Variants in PAX3 observed in about 807,000 individuals in gnomAD.
The protein encoded by PAX3 is paired box protein Pax-3.
Under a neutral mutation model 51.6 loss-of-function variants are expected in PAX3, and 14 were observed. The observed-to-expected ratio is 0.27, with a 90% CI of 0.18 to 0.42. The LOEUF (loss-of-function observed/expected upper bound fraction) is 0.42. PAX3 is among the 10% of genes least tolerant of loss of function. The pLI is 1.00. For synonymous variants in PAX3, 280 were observed against 253.4 expected (o/e 1.11, Z -1.00); for missense variants, 540 against 642.8 (o/e 0.84, Z 1.73).
chr2:222,252,129 T>A (rs148556940), intron 4 of PAX3, among the ~76,000 whole-genome samples: 4 of 152,334 alleles, frequency 2.6e-5, no homozygotes, highest in African/African-American at 7.2e-5. Flanking sequence ...AATTTTAGTG[T>A]TGATAAAGTC....
rs527901361 is a variant in PAX3, at chr2:222,254,546, A to T, written c.587-22263T>A. ...AGGCATCTGGCAGACCCATCTCTGG[A>T]TCTGCCCTAAACTGATGTCTCCATC... On this transcript the variant is annotated intron_variant, in intron 4 of 8. Coordinates refer to ENST00000392070, the MANE Select transcript of PAX3 (RefSeq NM_181458.4). Among the ~76,000 whole-genome samples, 32 of 152,296 alleles carry T rather than the reference A, an allele frequency of 2.1e-4. 1 individual carries two copies. The South Asian group carries it at 4.6e-3, about 22-fold the overall frequency.
intron 4 of PAX3, among the ~76,000 whole-genome samples, chr2:222,245,757 G>A (rs771494250): frequency 1.1e-4 from 16 of 150,512 alleles, no homozygotes; most frequent in Non-Finnish European, 2.1e-4. Context: ...ATCACCTGAG[G>A]TCAGGAGTTT....
chr2:222,272,434 G>A (rs535146496), intron 4 of PAX3, among the ~76,000 whole-genome samples: 9 of 152,184 alleles, frequency 5.9e-5, no homozygotes, highest in Non-Finnish European at 1.0e-4. Context: ...TTGTTATGAA[G>A]TAATAAGAAT....
chr2:222,232,465 A>C (rs1174628028), intron 4 of PAX3, among the ~76,000 whole-genome samples, 182 bp from the exon 5 acceptor site: 3 of 152,242 alleles, frequency 2.0e-5, no homozygotes, highest in Non-Finnish European at 4.4e-5. Context: ...CCTGGTCTAC[A>C]GTGCATTCCC....
chr2:222,296,613 C>T (rs912292227), intron 2 of PAX3, among the ~76,000 whole-genome samples: 5 of 152,128 alleles, frequency 3.3e-5, no homozygotes, highest in African/African-American at 9.7e-5. Flanking sequence ...AAGGACGGTG[C>T]CATGGGTGGG....
chr2:222,298,327 C>G, intron 1 of PAX3: 1 of 594,268 alleles, frequency 1.7e-6, no homozygotes, highest in Non-Finnish European at 3.0e-6. Context: ...CCAGCTCCGC[C>G]AGGATTTGCA....
chr2:222,298,538 C>A lies in PAX3; in HGVS notation c.78G>T (p.Pro26=), dbSNP rs370833226. Residue 26 remains proline, a synonymous_variant, in exon 1 of 9, where the codon CCG becomes CCT. Transcript: ENST00000392070. Reference sequence around the variant, plus strand: ...GCTGAGGCCCTCCCTTACCTTCCAGCGGGAACCCGCTACGCGGGTAGTTCT... The same window carrying A: ...GCTGAGGCCCTCCCTTACCTTCCAGAGGGAACCCGCTACGCGGGTAGTTCT... ...PGQNYPRSGF[P]LEVSTPLGQG... is the part of the protein sequence containing the mutation. The A allele has an allele frequency of 1.9e-6, 3 of 1,603,634 alleles. No homozygotes were observed. Among genetic ancestry groups the A allele is most frequent in the East Asian group, 2.3e-5 (1 of 44,276 alleles).
intron 4 of PAX3, among the ~76,000 whole-genome samples, chr2:222,256,048 C>A (rs953367888): frequency 6.7e-6 from 1 of 149,030 alleles, no homozygotes; most frequent in East Asian, 2.0e-4. Context: ...GGATTATAGG[C>A]GTGAGCCACC....
intron 5 of PAX3, among the ~76,000 whole-genome samples, chr2:222,227,127 C>T (rs1692414055): frequency 1.3e-5 from 2 of 152,080 alleles, no homozygotes; most frequent in East Asian, 3.9e-4. Context: ...ACTTGCTCAA[C>T]AAAACACATT....
At chr2:222,252,332 G>C (rs760909590) in intron 4 of PAX3, among the ~76,000 whole-genome samples, 1 of 152,130 alleles carries the variant, frequency 6.6e-6, no homozygotes, top group African/African-American at 2.4e-5. Context: ...TATGCACCAG[G>C]TGCCATGCCA....
At chr2:222,276,288 G>A (rs991461338) in intron 4 of PAX3, among the ~76,000 whole-genome samples, 4 of 152,222 alleles carry the variant, frequency 2.6e-5, no homozygotes, top group African/African-American at 4.8e-5. Flanking sequence ...ATCTCCCTGC[G>A]TGGAAGAAGA....
At chr2:222,278,692 G>T (rs1242646877) in intron 4 of PAX3, among the ~76,000 whole-genome samples, 1 of 152,200 alleles carries the variant, frequency 6.6e-6, no homozygotes, top group Non-Finnish European at 1.5e-5. Context: ...CTGCCCACCA[G>T]CAAGGAGCTC....
intron 4 of PAX3, among the ~76,000 whole-genome samples, chr2:222,293,197 G>T (rs1236619330): frequency 1.3e-5 from 2 of 152,104 alleles, no homozygotes; most frequent in Admixed American, 6.6e-5. Flanking sequence ...GGCATGAGTG[G>T]GACCCCTGGC....
chr2:222,262,787 A>G (rs549665985), intron 4 of PAX3: 10 of 152,316 alleles, frequency 6.6e-5, no homozygotes, highest in African/African-American at 1.9e-4. Context: ...ACACAGATAT[A>G]TATATGGAAC....
intron 4 of PAX3, among the ~76,000 whole-genome samples, chr2:222,250,154 G>A (rs1693372747): frequency 6.6e-6 from 1 of 152,206 alleles, no homozygotes; most frequent in African/African-American, 2.4e-5. Context: ...CCATCACTCT[G>A]TTTCCTCCAT....
chr2:222,295,151 G>T (rs1574766739), intron 3 of PAX3, among the ~76,000 whole-genome samples: 1 of 152,144 alleles, frequency 6.6e-6, no homozygotes, highest in African/African-American at 2.4e-5. Context: ...TTGCGCACAC[G>T]GCAAAGTCCC....
In PAX3 at chr2:222,201,213, G is replaced by A. The variant is rs776608873; in HGVS notation, c.*195C>T. 12 of 1,613,750 alleles carry A rather than the reference G, an allele frequency of 7.4e-6. No individual in the cohort carries two copies. The highest frequency in any genetic ancestry group is 3.3e-5 in the Admixed American group (2 of 59,980). On this transcript the variant is annotated 3_prime_UTR_variant, in exon 9 of 9. Transcript: ENST00000392070. Reference sequence around the variant, plus strand: ...CTTCCTCTTCTCCACTGCTTTTGTCGAACGTGTTCAAAAGGATTTGAAACC... The same window carrying A: ...CTTCCTCTTCTCCACTGCTTTTGTCAAACGTGTTCAAAAGGATTTGAAACC...
At chr2:222,231,994 G>T in intron 5 of PAX3, 84 bp downstream of exon 5, 2 of 1,279,714 alleles carry the variant, frequency 1.6e-6, no homozygotes, top group South Asian at 2.4e-5. Context: ...TTTTGGGGGG[G>T]ATTGACATAT....
In PAX3 at chr2:222,271,275, A is replaced by G. The variant is rs186204920; in HGVS notation, c.586+22892T>C. On this transcript the variant is annotated intron_variant, in intron 4 of 8. Coordinates refer to ENST00000392070, the MANE Select transcript of PAX3 (RefSeq NM_181458.4). The stretch of plus-strand genomic sequence containing the variant: ...CTAGACCTGGGCAGCCTGATGTCCT[A>G]TGGATTCTTTACCAAAATCCGTAAG... 2.8e-4 allele frequency among the ~76,000 whole-genome samples: 42 copies of G among 152,312 alleles called. 1 individual carries two copies. Among genetic ancestry groups the G allele is most frequent in the Middle Eastern group, 3.4e-3 (1 of 294 alleles).
Sources: gnomAD v4.1 joint callset for allele counts (sites outside exome capture counted in the v4.1 genomes callset) on GRCh38, gnomAD v4.1.1 for gene constraint, MANE v1.5 for transcripts, NCBI Gene and HGNC (gene_info 2026-07-23, HGNC 2026-07-21) for gene names.